Variants in YY1AP1 observed in about 807,000 individuals in gnomAD.
YY1AP1 encodes YY1-associated protein 1.
Under a neutral mutation model 39.9 loss-of-function variants are expected in YY1AP1, and 43 were observed. The observed-to-expected ratio is 1.08, with a 90% CI of 0.84 to 1.39. YY1AP1 has a LOEUF of 1.39. Among genes scored for constraint, YY1AP1 ranks in the 40% most tolerant of loss-of-function variants. YY1AP1 has a pLI of 0.00. For synonymous variants in YY1AP1, 292 were observed against 331.3 expected, an observed-to-expected ratio of 0.88 and a Z score of 1.29; for missense variants, 813 against 900.7, an observed-to-expected ratio of 0.90 and a Z score of 1.25.
At chr1:155,661,819 C>A (rs1349085947) in intron 9 of YY1AP1, among the ~76,000 whole-genome samples, 1 of 152,142 alleles carries the variant, frequency 6.6e-6, no homozygotes, top group Non-Finnish European at 1.5e-5. Flanking sequence ...CCACACCCGG[C>A]TGATTTTTTT....
chr1:155,679,012 C>T (rs1193839181), intron 4 of YY1AP1: 8 of 641,726 alleles, frequency 1.2e-5, no homozygotes, highest in African/African-American at 1.9e-5. Context: ...CCACTAATGC[C>T]TAGGTGACTA....
rs1647720742 is a variant in YY1AP1, at chr1:155,659,694, G to T, written c.2216C>A (p.Pro739His). ...GDLEEVVKME[P>H]EDATEEISGF... ...ACTGATTTCCTCTGTAGCATCTTCAGGTTCCATCTTGACAACTTCCTCTAA... is the reference window on the plus strand; with the variant it reads ...ACTGATTTCCTCTGTAGCATCTTCATGTTCCATCTTGACAACTTCCTCTAA... The change falls in exon 11 of 11, where the codon CCT (proline) becomes CAT (histidine). Residue 739 changes from proline (P) to histidine (H), a missense_variant. By Grantham distance (77) the Pro-to-His change is moderately conservative. This residue lies in a region of YY1AP1 where 586 missense variants were observed against 647.4 expected (regional missense o/e 0.91). Coordinates refer to ENST00000355499, the MANE Select transcript of YY1AP1 (RefSeq NM_139119.3). The T allele has an allele frequency of 6.2e-7, 1 of 1,614,064 alleles. No homozygotes were observed. Among genetic ancestry groups the T allele is most frequent in the African/African-American group, 1.3e-5 (1 of 74,910 alleles).
At chr1:155,679,325 A>C in intron 4 of YY1AP1, 84 bp downstream of exon 4, 1 of 1,594,486 alleles carries the variant, frequency 6.3e-7, no homozygotes, top group Non-Finnish European at 8.6e-7. Flanking sequence ...TGGGGATGAA[A>C]AATTGTTAAC....
Position 155,670,406 on chromosome 1 carries a change from A to T in YY1AP1, c.642T>A (p.Val214=), listed in dbSNP as rs747605450. 6.2e-7 allele frequency: 1 copy of T among 1,614,134 alleles called. No individual in the cohort carries two copies. Among genetic ancestry groups the T allele is most frequent in the Non-Finnish European group, 8.5e-7 (1 of 1,180,030 alleles). The part of the protein sequence containing the change: ...QVAWILATSK[V]FMYPELLPVC... The stretch of plus-strand genomic sequence containing the variant: ...CTGGAAGTAACTCTGGATACATGAA[A>T]ACCTTGCTTGTGGCCAGGATCCAAG... Residue 214 remains valine (V), a synonymous_variant, in exon 8 of 11, where the codon GTT becomes GTA. Coordinates refer to ENST00000355499, the MANE Select transcript of YY1AP1 (RefSeq NM_139119.3).
intron 4 of YY1AP1, among the ~76,000 whole-genome samples, chr1:155,677,516 T>A (rs1650878314): frequency 6.6e-6 from 1 of 152,314 alleles, no homozygotes; most frequent in Admixed American, 6.5e-5. Flanking sequence ...GCTGATACCC[T>A]ATGCAACAGG....
At chr1:155,672,428 A>T (rs1260952637) in intron 7 of YY1AP1, 132 bp downstream of exon 7, 4 of 931,854 alleles carry the variant, frequency 4.3e-6, no homozygotes, top group Non-Finnish European at 6.8e-6. Flanking sequence ...GATAAAAGAG[A>T]GAAGGAAGAA....
intron 2 of YY1AP1, chr1:155,687,870 G>T (rs1652721181): frequency 1.8e-6 from 1 of 560,462 alleles, no homozygotes; most frequent in Non-Finnish European, 3.0e-6. Context: ...GAGTCTGCCT[G>T]TCAGGGACAC....
chr1:155,660,873 G>C lies in YY1AP1; in HGVS notation c.1037C>G (p.Ala346Gly), dbSNP rs781649369. The change falls in exon 11 of 11, where the codon GCT becomes GGT. Residue 346 changes from alanine (A) to glycine (G), a missense_variant. Ala to Gly is a moderately conservative substitution (Grantham distance 60). Transcript: ENST00000355499. ...ATTTCCTACCTCTCTAGCACCATCA[G>C]CCATGTGCCGCAGTTCTTCCTGGAT... ...PSIQEELRHM[A>G]DGAREVGNMT... 1.2e-6 allele frequency: 2 copies of C among 1,614,192 alleles called. No homozygotes were observed. Among genetic ancestry groups the C allele is most frequent in the Non-Finnish European group, 1.7e-6 (2 of 1,180,026 alleles).
chr1:155,677,088 T>C (rs1449537624), intron 4 of YY1AP1, among the ~76,000 whole-genome samples: 2 of 152,084 alleles, frequency 1.3e-5, no homozygotes, highest in Non-Finnish European at 2.9e-5. Context: ...TCTCATTTCT[T>C]CTCTCATTAC....
intron 8 of YY1AP1, 28 bp downstream of exon 8, chr1:155,670,292 T>C: frequency 6.2e-7 from 1 of 1,611,750 alleles, no homozygotes; most frequent in South Asian, 1.1e-5. Context: ...CTCCTTGGGA[T>C]ATTTGATCCC....
chr1:155,677,761 G>A (rs1010000266), intron 4 of YY1AP1, among the ~76,000 whole-genome samples: 3 of 152,078 alleles, frequency 2.0e-5, no homozygotes, highest in Non-Finnish European at 2.9e-5. Flanking sequence ...TTGAACATCC[G>A]CGCTACCACC....
At chr1:155,670,202 C>G in intron 8 of YY1AP1, 118 bp downstream of exon 8, 1 of 1,406,586 alleles carries the variant, frequency 7.1e-7, no homozygotes, top group Non-Finnish European at 1.0e-6. Context: ...CTCTGCTCAT[C>G]TATACTGCTT....
intron 9 of YY1AP1, among the ~76,000 whole-genome samples, chr1:155,665,005 C>T (rs1235548274): frequency 6.6e-6 from 1 of 151,790 alleles, no homozygotes; most frequent in Non-Finnish European, 1.5e-5. Context: ...TTCCCGACCT[C>T]GTGATCCACC....
At chr1:155,685,821 C>T (rs1054394467) in intron 2 of YY1AP1, among the ~76,000 whole-genome samples, 4 of 151,848 alleles carry the variant, frequency 2.6e-5, no homozygotes, top group Non-Finnish European at 4.4e-5. Flanking sequence ...TGCGCTTATG[C>T]TCATCTTCTA....
At position 155,675,195 on chromosome 1, in the gene YY1AP1, C is replaced by CT. The variant is rs1288506359; in HGVS notation, c.325-100dup. Reference sequence around the variant, plus strand: ...TTCCCCCTGGAGACAGGGTCTTGCTCTGTCACACAGCTTGGAGTGCAGTGG... The same window carrying CT: ...TTCCCCCTGGAGACAGGGTCTTGCTCTTGTCACACAGCTTGGAGTGCAGTGG... On this transcript the variant is annotated intron_variant, in intron 5 of 10. Coordinates refer to ENST00000355499, the MANE Select transcript of YY1AP1 (RefSeq NM_139119.3). 1.3e-5 allele frequency: 14 copies of CT among 1,111,864 alleles called. No homozygotes were observed. In the Admixed American group the frequency reaches 2.6e-4, roughly 21 times the overall value. The allele number at this position is 1,111,864 out of a possible 1,614,324, so 68.9% of individuals were successfully genotyped here.
intron 2 of YY1AP1, among the ~76,000 whole-genome samples, chr1:155,683,796 A>C (rs1318707751): frequency 6.6e-6 from 1 of 152,234 alleles, no homozygotes; most frequent in African/African-American, 2.4e-5. Flanking sequence ...TTAACACAGT[A>C]AGAAGGCTAT....
chr1:155,677,976 A>G (rs559565552), intron 4 of YY1AP1, among the ~76,000 whole-genome samples: 1 of 152,348 alleles, frequency 6.6e-6, no homozygotes, highest in African/African-American at 2.4e-5. Context: ...TTATTTAGTC[A>G]AAGATTAAAA....
rs148117379 is a variant in YY1AP1, at chr1:155,668,693, A to G, written c.813T>C (p.Thr271=). The G allele has an allele frequency of 1.7e-5, 28 of 1,614,214 alleles. 1 individual carries two copies. In the African/African-American group the frequency reaches 2.9e-4, roughly 17 times the overall value. The part of the protein sequence containing the change: ...LISKYLLTCK[T]ARQLTVRIKN... Reference sequence around the variant, plus strand: ...TGATTCTCACTGTCAGTTGGCGGGCAGTCTTGCAGGTTAGAAGGTACTTGC... The same window carrying G: ...TGATTCTCACTGTCAGTTGGCGGGCGGTCTTGCAGGTTAGAAGGTACTTGC... Residue 271 remains threonine, a synonymous_variant, in exon 9 of 11, where the codon ACT becomes ACC. Transcript: ENST00000355499.
intron 3 of YY1AP1, 25 bp from the exon 4 acceptor site, chr1:155,679,537 T>C: frequency 6.2e-7 from 1 of 1,614,068 alleles, no homozygotes; most frequent in Non-Finnish European, 8.5e-7. Context: ...AAGGGAGGGT[T>C]TTCCTGGGGA....
Sources: allele counts gnomAD v4.1 joint callset (sites outside exome capture counted in the v4.1 genomes callset), GRCh38; gene constraint gnomAD v4.1.1; regional missense constraint gnomAD v4.1.1; transcripts MANE v1.5; gene names NCBI Gene and HGNC (gene_info 2026-07-23, HGNC 2026-07-21).